Variants in AK5 observed in about 807,000 individuals in gnomAD.
AK5 encodes adenylate kinase 5.
In AK5, 27 loss-of-function variants were observed where a neutral mutation model predicts 69.5. The ratio of observed to expected loss-of-function variants is 0.39; its 90% confidence interval spans 0.29 to 0.54. The LOEUF is 0.54. Among genes scored for constraint, AK5 ranks in the 20% least tolerant of loss-of-function variants. The pLI is 0.71. For missense variants in AK5, 531 were observed against 700.4 expected (o/e 0.76, Z 2.73); for synonymous variants, 260 against 244.4 (o/e 1.06, Z -0.60).
intron 6 of AK5, among the ~76,000 whole-genome samples, chr1:77,368,263 T>TTA (rs1218910012): frequency 2.9e-5 from 3 of 104,288 alleles, no homozygotes; most frequent in Admixed American, 2.5e-4. Flanking sequence ...AATATATATG[T>TTA]TATATATATG....
intron 6 of AK5, among the ~76,000 whole-genome samples, chr1:77,402,289 CATTATT>C (rs982570861): frequency 1.3e-5 from 2 of 151,586 alleles, no homozygotes; most frequent in Non-Finnish European, 2.9e-5. Context: ...AAAACTTTTT[CATTATT>C]ATTATTATTA....
chr1:77,500,451 T>C (rs544488477), intron 10 of AK5, among the ~76,000 whole-genome samples: 1 of 152,150 alleles, frequency 6.6e-6, no homozygotes, highest in South Asian at 2.1e-4. Context: ...ATGGAGTGTG[T>C]ACTGGAGTTG....
intron 6 of AK5, among the ~76,000 whole-genome samples, chr1:77,367,577 A>ATGT (rs1445266299): frequency 2.2e-4 from 2 of 8,984 alleles, no homozygotes; most frequent in African/African-American, 2.8e-4. Flanking sequence ...ATATATATAT[A>ATGT]TAATATATAT....
intron 8 of AK5, among the ~76,000 whole-genome samples, chr1:77,475,657 G>C (rs1187417967): frequency 6.7e-6 from 1 of 150,296 alleles, no homozygotes; most frequent in Non-Finnish European, 1.5e-5. Context: ...AATTCCCAGT[G>C]ACTGAAGCTC....
chr1:77,472,338 G>A (rs373003557), intron 8 of AK5, among the ~76,000 whole-genome samples: 2 of 152,132 alleles, frequency 1.3e-5, no homozygotes, highest in African/African-American at 2.4e-5. Flanking sequence ...GGATCCAAAC[G>A]TGGCATCTCA....
At chr1:77,402,417 G>A (rs1033695699) in intron 6 of AK5, among the ~76,000 whole-genome samples, 1 of 151,190 alleles carries the variant, frequency 6.6e-6, no homozygotes, top group African/African-American at 2.4e-5. Flanking sequence ...TTAGCATTAG[G>A]TATATCTCCT....
intron 8 of AK5, among the ~76,000 whole-genome samples, chr1:77,475,418 CT>C (rs776059371): frequency 0.079 from 6,422 of 81,806 alleles, 539 homozygotes; most frequent in East Asian, 0.19. Context: ...TATATATATA[CT>C]ATATATTATA....
intron 5 of AK5, 62 bp from the exon 6 acceptor site, chr1:77,340,315 C>A: frequency 6.9e-7 from 1 of 1,455,682 alleles, no homozygotes; most frequent in Non-Finnish European, 9.5e-7. Flanking sequence ...ATGAATGCAG[C>A]TGCCCACACA....
chr1:77,332,022 T>C (rs1017127002), intron 5 of AK5, among the ~76,000 whole-genome samples: 2 of 152,112 alleles, frequency 1.3e-5, no homozygotes, highest in Admixed American at 1.3e-4. Context: ...ACTGCAGCCT[T>C]GACTTCCCCA....
chr1:77,354,501 G>A (rs1472860792), intron 6 of AK5, among the ~76,000 whole-genome samples: 2 of 152,210 alleles, frequency 1.3e-5, no homozygotes. Context: ...ACTTAGTAGG[G>A]ACTGTGCAGC....
At chr1:77,368,182 A>G (rs1280622047) in intron 6 of AK5, among the ~76,000 whole-genome samples, 1 of 121,338 alleles carries the variant, frequency 8.2e-6, no homozygotes, top group African/African-American at 2.9e-5. Flanking sequence ...ACCTCTTGTC[A>G]TTATGATTTG....
At chr1:77,346,445 T>C (rs991570613) in intron 6 of AK5, among the ~76,000 whole-genome samples, 5 of 152,156 alleles carry the variant, frequency 3.3e-5, no homozygotes, top group Non-Finnish European at 7.4e-5. Context: ...CCAACTCCAC[T>C]TAGCATCACT....
chr1:77,337,175 A>G (rs938308767), intron 5 of AK5, among the ~76,000 whole-genome samples: 1 of 152,194 alleles, frequency 6.6e-6, no homozygotes, highest in African/African-American at 2.4e-5. Context: ...ATAAATTTCA[A>G]GCTGTCGCTA....
chr1:77,493,645 G>A (rs1273575840), intron 10 of AK5, among the ~76,000 whole-genome samples: 3 of 150,850 alleles, frequency 2.0e-5, no homozygotes, highest in Non-Finnish European at 4.4e-5. Context: ...TCCAAACACA[G>A]ACACCAGATC....
intron 6 of AK5, among the ~76,000 whole-genome samples, chr1:77,408,422 A>G (rs1649805511): frequency 6.6e-6 from 1 of 152,156 alleles, no homozygotes; most frequent in East Asian, 1.9e-4. Context: ...GGCCACTTGT[A>G]AGTCTTTTTT....
chr1:77,362,865 C>T (rs1384511180), intron 6 of AK5, among the ~76,000 whole-genome samples: 3 of 152,164 alleles, frequency 2.0e-5, no homozygotes, highest in Non-Finnish European at 4.4e-5. Flanking sequence ...TAGCCATGTG[C>T]ATACCCTTTG....
intron 9 of AK5, 40 bp downstream of exon 9, chr1:77,483,399 AG>A: frequency 1.3e-6 from 2 of 1,519,974 alleles, no homozygotes; most frequent in Non-Finnish European, 1.8e-6. Context: ...TTGTCATTTT[AG>A]TAACTTTGAC....
chr1:77,537,895 C>CA (rs1659057149), intron 13 of AK5, among the ~76,000 whole-genome samples: 1 of 152,184 alleles, frequency 6.6e-6, no homozygotes, highest in South Asian at 2.1e-4. Flanking sequence ...CACTGTTTCT[C>CA]AGTCAGCAGG....
intron 8 of AK5, among the ~76,000 whole-genome samples, chr1:77,433,753 CA>C (rs1361681494): frequency 6.6e-6 from 1 of 151,954 alleles, no homozygotes; most frequent in African/African-American, 2.4e-5. Context: ...GGAAAAGAAC[CA>C]GCAATGTTTC....
Sources: gnomAD v4.1 joint callset for allele counts (sites outside exome capture counted in the v4.1 genomes callset) on GRCh38, gnomAD v4.1.1 for gene constraint, MANE v1.5 for transcripts, NCBI Gene and HGNC (gene_info 2026-07-23, HGNC 2026-07-21) for gene names.